Variants in SLC25A16 observed in about 807,000 individuals in gnomAD.
The protein encoded by SLC25A16 is mitochondrial coenzyme A transporter SLC25A16.
A neutral mutation model predicts 41.5 loss-of-function variants in SLC25A16; 39 were observed. The ratio of observed to expected loss-of-function variants is 0.94; its 90% CI spans 0.73 to 1.23. The LOEUF is 1.23. Ranked by LOEUF, SLC25A16 falls within the 50% of genes most tolerant of loss-of-function variation. The probability of loss-of-function intolerance (pLI) is 0.00; values close to 1 mark genes in which losing one functional copy is unlikely to be tolerated. For missense variants in SLC25A16, 421 were observed against 426.9 expected, an observed-to-expected ratio of 0.99 and a Z score of 0.12; for synonymous variants, 146 against 147.8, an observed-to-expected ratio of 0.99 and a Z score of 0.09.
chr10:68,522,417 T>C (rs1251906942), intron 1 of SLC25A16, among the ~76,000 whole-genome samples: 2 of 151,260 alleles, frequency 1.3e-5, no homozygotes, highest in African/African-American at 4.9e-5. Flanking sequence ...CAGTGGCTCA[T>C]GCCTGTAATT....
intron 2 of SLC25A16, among the ~76,000 whole-genome samples, chr10:68,508,195 GA>G (rs1378129937): frequency 6.6e-6 from 1 of 151,774 alleles, no homozygotes; most frequent in Non-Finnish European, 1.5e-5. Flanking sequence ...CTGGGTGATA[GA>G]GTGAGACTCC....
rs10998214 is a variant in SLC25A16 at position 68,480,756 on chromosome 10, A to G, written c.*2676T>C. On this transcript the variant is annotated 3_prime_UTR_variant, in exon 9 of 9. Transcript: ENST00000609923. ...CGTGATCCCCCCGCCTCAGCCTCCC[A>G]AAGTGCTGAGATTACAGGGGTGAGC... 0.033 allele frequency: 5,072 copies of G among 152,094 alleles called. 101 individuals are homozygous for G. The highest frequency in any genetic ancestry group is 0.058 in the Middle Eastern group (17 of 294). The allele number at this position is 152,094 out of a possible 1,614,324, so 9.4% of individuals were successfully genotyped here.
chr10:68,496,376 T>C, intron 4 of SLC25A16: 3 of 525,250 alleles, frequency 5.7e-6, no homozygotes, highest in Non-Finnish European at 4.9e-6. Flanking sequence ...TAACACTTCT[T>C]TTAAGAAGGC....
chr10:68,520,973 A>C (rs1354200399), intron 1 of SLC25A16, among the ~76,000 whole-genome samples: 1 of 151,124 alleles, frequency 6.6e-6, no homozygotes, highest in Non-Finnish European at 1.5e-5. Context: ...GTCTCCACTA[A>C]AACTACAAAA....
chr10:68,484,036 G>T (rs2052519908), intron 8 of SLC25A16, among the ~76,000 whole-genome samples: 2 of 152,104 alleles, frequency 1.3e-5, no homozygotes, highest in South Asian at 4.1e-4. Context: ...TTTAACAAGT[G>T]AAAATTTTTT....
intron 8 of SLC25A16, 188 bp downstream of exon 8, chr10:68,486,956 C>CAAAA (rs374368406): frequency 4.0e-4 from 41 of 103,116 alleles, no homozygotes; most frequent in East Asian, 8.7e-4. Flanking sequence ...GACTGCATCT[C>CAAAA]AAAAAAAAAA....
chr10:68,523,845 T>A (rs1216290640), intron 1 of SLC25A16, among the ~76,000 whole-genome samples: 1 of 152,074 alleles, frequency 6.6e-6, no homozygotes, highest in African/African-American at 2.4e-5. Context: ...ATGCCTTTAA[T>A]CCCAGCACTT....
In SLC25A16 at chr10:68,525,718, AAAG is replaced by A. The variant is rs377326425; in HGVS notation, c.130+1525_130+1527del. ...TCAGATTGTTACTGTGTCTGTGTAG[AAAG>A]AAGTAGACATAGGAGACTCCATTTT... On this transcript the variant is annotated intron_variant, in intron 1 of 8. Coordinates refer to ENST00000609923, the MANE Select transcript of SLC25A16 (RefSeq NM_152707.4). Among the ~76,000 whole-genome samples, 107 of 152,278 alleles carry A rather than the reference AAAG, an allele frequency of 7.0e-4. 1 individual carries two copies. The East Asian group carries it at 0.02, about 28-fold the overall frequency.
chr10:68,502,816 A>G (rs1590108815), intron 4 of SLC25A16, among the ~76,000 whole-genome samples: 1 of 37,616 alleles, frequency 2.7e-5, no homozygotes, highest in Non-Finnish European at 4.8e-5. Context: ...AGCGGAGGGG[A>G]AAGGAGGGGG....
At chr10:68,510,380 A>C (rs1462388574) in intron 2 of SLC25A16, among the ~76,000 whole-genome samples, 1 of 151,192 alleles carries the variant, frequency 6.6e-6, no homozygotes, top group East Asian at 1.9e-4. Context: ...AAAAATACAA[A>C]AAAAAAAAAA....
intron 2 of SLC25A16, among the ~76,000 whole-genome samples, chr10:68,508,631 T>C (rs989472340): frequency 4.0e-5 from 6 of 150,904 alleles, no homozygotes; most frequent in Admixed American, 2.0e-4. Flanking sequence ...GGCAGGAGAA[T>C]CGCTTGAACC....
At chr10:68,490,888 T>C (rs1201387288) in intron 6 of SLC25A16, among the ~76,000 whole-genome samples, 3 of 140,274 alleles carry the variant, frequency 2.1e-5, no homozygotes, top group African/African-American at 8.5e-5. Context: ...CTAAAAAATA[T>C]ACTTTTTTTT....
At position 68,490,957 on chromosome 10, in the gene SLC25A16, A is replaced by C. The variant is rs75144312; in HGVS notation, c.610+2175T>G. Among the ~76,000 whole-genome samples, 386 of 151,910 alleles carry C rather than the reference A, an allele frequency of 2.5e-3. 2 individuals are homozygous for C. The highest frequency in any genetic ancestry group is 9.2e-3 in the African/African-American group (382 of 41,420). ...CAGGCTGGAGTAGAGTGGCATGATCACAGCTCGCTGAAGCCTCAACCTCCT... is the reference window on the plus strand; with the variant it reads ...CAGGCTGGAGTAGAGTGGCATGATCCCAGCTCGCTGAAGCCTCAACCTCCT... On this transcript the variant is annotated intron_variant, in intron 6 of 8. Coordinates refer to ENST00000609923, the MANE Select transcript of SLC25A16 (RefSeq NM_152707.4).
At chr10:68,488,441 T>G in intron 7 of SLC25A16, 26 bp downstream of exon 7, 1 of 1,433,240 alleles carries the variant, frequency 7.0e-7, no homozygotes, top group Non-Finnish European at 9.3e-7. Context: ...ATAATTTGAT[T>G]AAATTAAGTT....
At chr10:68,488,905 C>T (rs891885300) in intron 6 of SLC25A16, among the ~76,000 whole-genome samples, 3 of 152,036 alleles carry the variant, frequency 2.0e-5, no homozygotes, top group African/African-American at 7.3e-5. Context: ...CAAAGTTTTC[C>T]AAGGTTTCAC....
intron 4 of SLC25A16, chr10:68,499,434 A>G (rs1277019307): frequency 1.2e-5 from 2 of 162,618 alleles, no homozygotes; most frequent in African/African-American, 4.8e-5. Flanking sequence ...TGGATTTCAG[A>G]CAACTAAAAC....
intron 3 of SLC25A16, among the ~76,000 whole-genome samples, chr10:68,504,864 G>T (rs1454494334): frequency 6.6e-6 from 1 of 152,010 alleles, no homozygotes; most frequent in Admixed American, 6.6e-5. Flanking sequence ...ATTTTTAGTA[G>T]AGAAGGGGTC....
chr10:68,494,943 A>C (rs2052725947), intron 4 of SLC25A16, among the ~76,000 whole-genome samples: 1 of 152,006 alleles, frequency 6.6e-6, no homozygotes, highest in African/African-American at 2.4e-5. Flanking sequence ...GTAGTGGTTA[A>C]ATAATGAATT....
chr10:68,485,201 T>C (rs1295348965), intron 8 of SLC25A16, among the ~76,000 whole-genome samples: 1 of 151,930 alleles, frequency 6.6e-6, no homozygotes, highest in South Asian at 2.1e-4. Context: ...GTGATTCTTG[T>C]GCCTCAGCTT....
Sources: allele counts gnomAD v4.1 joint callset (sites outside exome capture counted in the v4.1 genomes callset), GRCh38; gene constraint gnomAD v4.1.1; transcripts MANE v1.5; gene names NCBI Gene and HGNC (gene_info 2026-07-23, HGNC 2026-07-21).